Variants in RAPGEF1 observed in about 807,000 individuals in gnomAD.
The protein encoded by RAPGEF1 is CRK SH3-binding GNRP.
A neutral mutation model predicts 143.3 loss-of-function variants in RAPGEF1; 33 were observed. The observed-to-expected ratio is 0.23, with a 90% CI of 0.17 to 0.31. The LOEUF (loss-of-function observed/expected upper bound fraction) is 0.31. Ranked by LOEUF, RAPGEF1 falls within the 10% of genes least tolerant of loss-of-function variation. The pLI is 1.00. For synonymous variants in RAPGEF1, 629 were observed against 676.5 expected (o/e 0.93, Z 1.09); for missense variants, 1,199 against 1,645.4 (o/e 0.73, Z 4.69).
rs1448389381 is a variant in RAPGEF1 at position 131,675,198 on chromosome 9, A to G, written c.62-24249T>C. Among the ~76,000 whole-genome samples the G allele has an allele frequency of 2.0e-5, 3 of 151,964 alleles. No individual in the cohort carries two copies. Among genetic ancestry groups the G allele is most frequent in the Non-Finnish European group, 4.4e-5 (3 of 68,006 alleles). On this transcript the variant is annotated intron_variant, in intron 1 of 26. Transcript: ENST00000683357. The surrounding 1 kb of genome is among the most constrained non-coding windows in gnomAD (Gnocchi z 4.6). The stretch of plus-strand genomic sequence containing the variant: ...CTGCACTTGGCTGGATTTGCGCTGT[A>G]TTTCTCGTGGGGATGAGGCACGGAC...
intron 1 of RAPGEF1, among the ~76,000 whole-genome samples, chr9:131,730,932 G>A (rs1214907570): frequency 6.6e-6 from 1 of 152,222 alleles, no homozygotes; most frequent in Non-Finnish European, 1.5e-5. Flanking sequence ...TGTCCTGTTA[G>A]TGCAGCAGCT....
intron 10 of RAPGEF1, among the ~76,000 whole-genome samples, chr9:131,624,550 G>A (rs1423386441): frequency 6.6e-6 from 1 of 152,174 alleles, no homozygotes. Context: ...AGGCTCTCTG[G>A]CATCTGCTGC....
chr9:131,648,647 T>G (rs565306644), intron 3 of RAPGEF1, among the ~76,000 whole-genome samples: 2 of 152,316 alleles, frequency 1.3e-5, no homozygotes, highest in Non-Finnish European at 2.9e-5. Context: ...CCAAATCTAC[T>G]GTATTACTCT....
intron 1 of RAPGEF1, among the ~76,000 whole-genome samples, chr9:131,657,019 C>G (rs1054643546): frequency 6.6e-6 from 1 of 152,214 alleles, no homozygotes; most frequent in Non-Finnish European, 1.5e-5. Flanking sequence ...CGCTGGAAAT[C>G]GAGGACAGCA....
intron 5 of RAPGEF1, among the ~76,000 whole-genome samples, chr9:131,630,656 T>A (rs1964595700): frequency 6.6e-6 from 1 of 152,092 alleles, no homozygotes; most frequent in Non-Finnish European, 1.5e-5. Context: ...TCCCAGTCAG[T>A]TTGTTGGGGA....
intron 12 of RAPGEF1, 22 bp downstream of exon 12, chr9:131,619,029 A>G (rs1451608299): frequency 7.4e-7 from 1 of 1,352,118 alleles, no homozygotes; most frequent in Non-Finnish European, 9.8e-7. Context: ...TTCCAAGTAA[A>G]GAACAGCAGG....
intron 1 of RAPGEF1, among the ~76,000 whole-genome samples, chr9:131,733,097 T>C (rs1446048593): frequency 1.3e-5 from 2 of 152,018 alleles, no homozygotes; most frequent in African/African-American, 4.8e-5. Flanking sequence ...GGTTTTCACA[T>C]TGTGTTTGGG....
chr9:131,599,308 G>A (rs1955862561), intron 15 of RAPGEF1, among the ~76,000 whole-genome samples: 1 of 151,710 alleles, frequency 6.6e-6, no homozygotes, highest in South Asian at 2.1e-4. Flanking sequence ...TCATTGTAGG[G>A]ATGAGGTCTC....
Position 131,677,807 on chromosome 9 carries a change from C to T in RAPGEF1, c.62-26858G>A, listed in dbSNP as rs544235405. 4.6e-5 allele frequency among the ~76,000 whole-genome samples: 7 copies of T among 152,290 alleles called. No homozygotes were observed. In the East Asian group the frequency reaches 9.6e-4, roughly 21 times the overall value. ...GAAACAGGCTCAGAAGACAAACAAG[C>T]GGCCAGCTGCTGCAGAGCTCGGCCT... On this transcript the variant is annotated intron_variant, in intron 1 of 26. Coordinates refer to ENST00000683357, the MANE Select transcript of RAPGEF1 (RefSeq NM_001377935.1).
At chr9:131,593,737 C>G (rs1037046751) in intron 17 of RAPGEF1, among the ~76,000 whole-genome samples, 2 of 152,222 alleles carry the variant, frequency 1.3e-5, no homozygotes, top group Admixed American at 1.3e-4. Context: ...GGAATCACAG[C>G]AGGGCCCATC....
intron 1 of RAPGEF1, among the ~76,000 whole-genome samples, chr9:131,708,965 T>C (rs1252459929): frequency 4.6e-5 from 7 of 152,200 alleles, no homozygotes; most frequent in African/African-American, 1.4e-4. Context: ...ACTCTTGACC[T>C]CAAGTGATCC....
At chr9:131,589,513 T>C (rs1487759440) in intron 19 of RAPGEF1, among the ~76,000 whole-genome samples, 2 of 152,208 alleles carry the variant, frequency 1.3e-5, no homozygotes, top group Non-Finnish European at 1.5e-5. Context: ...TGGCCAGCCA[T>C]GGAAACACTG....
At chr9:131,580,025 G>C (rs1951624631) in intron 26 of RAPGEF1, among the ~76,000 whole-genome samples, 2 of 152,264 alleles carry the variant, frequency 1.3e-5, no homozygotes, top group African/African-American at 2.4e-5. Context: ...TAAAATGGGA[G>C]GACGAGCTGT....
intron 1 of RAPGEF1, among the ~76,000 whole-genome samples, chr9:131,660,010 G>A (rs558040834): frequency 2.0e-5 from 3 of 152,230 alleles, no homozygotes; most frequent in African/African-American, 7.2e-5. Flanking sequence ...AGTAGAGACG[G>A]GGTTTCACCG....
intron 1 of RAPGEF1, among the ~76,000 whole-genome samples, chr9:131,715,386 G>A (rs1210523659): frequency 1.3e-5 from 2 of 152,106 alleles, no homozygotes; most frequent in Admixed American, 1.3e-4. Context: ...GTGTATGAAA[G>A]ACCTGTGTAG....
In RAPGEF1 at chr9:131,655,509, G is replaced by A. The variant is rs1972211543; in HGVS notation, c.62-4560C>T. 6.6e-6 allele frequency among the ~76,000 whole-genome samples: 1 copy of A among 152,204 alleles called. No homozygotes were observed. The highest frequency in any genetic ancestry group is 1.5e-5 in the Non-Finnish European group (1 of 68,036). On this transcript the variant is annotated intron_variant, in intron 1 of 26. Coordinates refer to ENST00000683357, the MANE Select transcript of RAPGEF1 (RefSeq NM_001377935.1). The surrounding 1 kb of genome is among the most constrained non-coding windows in gnomAD (Gnocchi z 4.1). ...CCTCTTCTCTCTCTTCACCCAAGCA[G>A]GGTGGATCCCATTTACAGTTTATAC... is the stretch of plus-strand genomic sequence containing the variant.
chr9:131,714,938 T>C (rs150023146), intron 1 of RAPGEF1, among the ~76,000 whole-genome samples: 2 of 152,234 alleles, frequency 1.3e-5, no homozygotes, highest in East Asian at 3.9e-4. Flanking sequence ...CTCAAACTCA[T>C]GGCCTCAGGT....
At chr9:131,718,370 T>A (rs372421871) in intron 1 of RAPGEF1, among the ~76,000 whole-genome samples, 1 of 152,142 alleles carries the variant, frequency 6.6e-6, no homozygotes, top group Non-Finnish European at 1.5e-5. Flanking sequence ...CCCCAGGCAA[T>A]CATAAAGAGG....
At chr9:131,734,036 C>T (rs4237113) in intron 1 of RAPGEF1, among the ~76,000 whole-genome samples, 152,337 of 152,356 alleles carry the variant, frequency 1, 76,159 homozygotes, top group Non-Finnish European at 1. Context: ...GTTAATGTGA[C>T]TAGTATTACG....
Sources: gnomAD v4.1 joint callset for allele counts (sites outside exome capture counted in the v4.1 genomes callset) on GRCh38, gnomAD v4.1.1 for gene constraint, Gnocchi (gnomAD v3.1) non-coding constraint, MANE v1.5 for transcripts, NCBI Gene and HGNC (gene_info 2026-07-23, HGNC 2026-07-21) for gene names.